Variants in PRELID2 observed in about 807,000 individuals in gnomAD.
The protein encoded by PRELID2 is PRELI domain-containing protein 2.
In PRELID2, 25 loss-of-function variants were observed where a neutral mutation model predicts 28.4. That is an observed-to-expected ratio of 0.88 (90% confidence interval 0.64 to 1.23). The LOEUF (loss-of-function observed/expected upper bound fraction) is 1.23, where lower values mean the gene tolerates loss of function less well. Ranked by LOEUF, PRELID2 falls within the 50% of genes most tolerant of loss-of-function variation. The probability of loss-of-function intolerance (pLI) is 0.00; values close to 1 mark genes in which losing one functional copy is unlikely to be tolerated. For synonymous variants in PRELID2, 76 were observed against 71.6 expected, an observed-to-expected ratio of 1.06 and a Z score of -0.31; for missense variants, 201 against 214.4, an observed-to-expected ratio of 0.94 and a Z score of 0.39.
At chr5:145,460,835 A>G in the PRELID2 span, among the ~76,000 whole-genome samples, 2 of 152,266 alleles carry the variant, frequency 1.3e-5, no homozygotes, top group Non-Finnish European at 2.9e-5. Context: ...GCTCCATGAT[A>G]TAATTTTAGG....
At chr5:145,708,191 T>G (rs928229445) in intron 1 of PRELID2, among the ~76,000 whole-genome samples, 6 of 152,070 alleles carry the variant, frequency 3.9e-5, no homozygotes, top group African/African-American at 1.4e-4. Flanking sequence ...ACATCCCTGT[T>G]TTATATGTTG....
At chr5:145,812,607 C>A (rs997932634) in intron 4 of PRELID2, among the ~76,000 whole-genome samples, 4 of 151,894 alleles carry the variant, frequency 2.6e-5, no homozygotes, top group African/African-American at 9.7e-5. Context: ...GCAGAGCCTG[C>A]ACATAGTAAA....
At chr5:145,286,834 G>A in the PRELID2 span, among the ~76,000 whole-genome samples, 1 of 150,210 alleles carries the variant, frequency 6.7e-6, no homozygotes, top group Non-Finnish European at 1.5e-5. Flanking sequence ...TGATTCTCCT[G>A]CCTCAGCTGG....
chr5:145,554,392 A>G (rs942469888), intron 1 of PRELID2, among the ~76,000 whole-genome samples: 2 of 152,202 alleles, frequency 1.3e-5, no homozygotes, highest in Non-Finnish European at 2.9e-5. Context: ...ATGGCACTTA[A>G]GATGCATAAT....
intron 1 of PRELID2, among the ~76,000 whole-genome samples, chr5:145,525,375 G>A (rs1046789887): frequency 3.9e-5 from 6 of 152,190 alleles, no homozygotes; most frequent in Non-Finnish European, 2.9e-5. Flanking sequence ...TGTTCTCCAA[G>A]AATGGGACAA....
chr5:145,432,757 A>G, the PRELID2 span, among the ~76,000 whole-genome samples: 6 of 152,192 alleles, frequency 3.9e-5, no homozygotes, highest in African/African-American at 1.2e-4. Flanking sequence ...TTTTGAAGCC[A>G]TAAGCATGAA....
At chr5:145,660,699 A>G (rs1236456873) in intron 1 of PRELID2, among the ~76,000 whole-genome samples, 2 of 152,214 alleles carry the variant, frequency 1.3e-5, no homozygotes, top group Non-Finnish European at 1.5e-5. Flanking sequence ...TTTGGGCAAC[A>G]GCCTACATTT....
At chr5:145,474,093 C>G (rs572980937) in intron 1 of PRELID2, among the ~76,000 whole-genome samples, 1 of 152,276 alleles carries the variant, frequency 6.6e-6, no homozygotes, top group South Asian at 2.1e-4. Flanking sequence ...GAAAAGTACT[C>G]AATCCAGAGT....
At chr5:145,283,314 T>TG in the PRELID2 span, among the ~76,000 whole-genome samples, 166 of 152,086 alleles carry the variant, frequency 1.1e-3, no homozygotes, top group African/African-American at 3.9e-3. Flanking sequence ...ATTACGCAAC[T>TG]GGGGGGGAAA....
intron 1 of PRELID2, among the ~76,000 whole-genome samples, chr5:145,606,157 T>C (rs1753500527): frequency 6.6e-6 from 1 of 152,006 alleles, no homozygotes; most frequent in South Asian, 2.1e-4. Flanking sequence ...TCAGATTTAG[T>C]AGCTTTAGGG....
the PRELID2 span, among the ~76,000 whole-genome samples, chr5:145,268,442 T>C: frequency 1.3e-5 from 2 of 152,076 alleles, no homozygotes; most frequent in African/African-American, 4.8e-5. Flanking sequence ...TGAAAATGAG[T>C]TCATCCTCCA....
intron 1 of PRELID2, among the ~76,000 whole-genome samples, chr5:145,735,959 G>A (rs1756484990): frequency 6.6e-6 from 1 of 152,178 alleles, no homozygotes; most frequent in Non-Finnish European, 1.5e-5. Flanking sequence ...GCTCATCAGA[G>A]AAATGCCAGA....
chr5:145,643,315 T>A (rs188082073), intron 1 of PRELID2, among the ~76,000 whole-genome samples: 190 of 152,264 alleles, frequency 1.2e-3, no homozygotes, highest in African/African-American at 4.3e-3. Context: ...TGGCTCTTTG[T>A]CTGTTATTGG....
At chr5:145,445,105 G>T in the PRELID2 span, among the ~76,000 whole-genome samples, 6 of 152,112 alleles carry the variant, frequency 3.9e-5, no homozygotes, top group South Asian at 1.2e-3. Flanking sequence ...AAAGCCAGAG[G>T]TATCACACTA....
the PRELID2 span, among the ~76,000 whole-genome samples, chr5:145,447,327 G>T: frequency 6.6e-6 from 1 of 151,778 alleles, no homozygotes; most frequent in Non-Finnish European, 1.5e-5. Context: ...ATGAATAATG[G>T]CTTCTGTTGC....
chr5:145,701,952 A>C (rs1248560046), intron 1 of PRELID2, among the ~76,000 whole-genome samples: 1 of 152,004 alleles, frequency 6.6e-6, no homozygotes, highest in Non-Finnish European at 1.5e-5. Context: ...TCGGGAGGCC[A>C]AGACAGGAGA....
the PRELID2 span, among the ~76,000 whole-genome samples, chr5:145,319,485 A>G: frequency 6.6e-6 from 1 of 152,050 alleles, no homozygotes; most frequent in East Asian, 1.9e-4. Flanking sequence ...CCTGGCCAAC[A>G]TAGTGAAACC....
intron 1 of PRELID2, among the ~76,000 whole-genome samples, chr5:145,589,772 A>G (rs1012231998): frequency 2.6e-5 from 4 of 152,164 alleles, no homozygotes; most frequent in Non-Finnish European, 5.9e-5. Flanking sequence ...TTCCTACACT[A>G]AACTCATATA....
intron 1 of PRELID2, among the ~76,000 whole-genome samples, chr5:145,626,512 TA>T (rs890783978): frequency 1.3e-5 from 2 of 151,380 alleles, no homozygotes; most frequent in African/African-American, 4.9e-5. Flanking sequence ...TATTAAAAAG[TA>T]AAAAAATGTA....
Sources: gnomAD v4.1 joint callset for allele counts (sites outside exome capture counted in the v4.1 genomes callset) on GRCh38, gnomAD v4.1.1 for gene constraint, MANE v1.5 for transcripts, NCBI Gene and HGNC (gene_info 2026-07-23, HGNC 2026-07-21) for gene names.